STK11IP: variants seen among roughly 807,000 people sequenced by gnomAD.
STK11IP encodes serine/threonine-protein kinase 11-interacting protein.
A neutral mutation model predicts 131.7 loss-of-function variants in STK11IP; 103 were observed. That is an observed-to-expected ratio of 0.78 (90% CI 0.67 to 0.92). The LOEUF (loss-of-function observed/expected upper bound fraction) is 0.92, where lower values mean the gene tolerates loss of function less well. Ranked by LOEUF, STK11IP falls within the 40% of genes least tolerant of loss-of-function variation. The probability of loss-of-function intolerance (pLI) is 0.00; values close to 1 mark genes in which losing one functional copy is unlikely to be tolerated. For missense variants in STK11IP, 1,315 were observed against 1,385.7 expected (o/e 0.95, Z 0.81); for synonymous variants, 557 against 575.6 (o/e 0.97, Z 0.46).
Position 219,601,992 on chromosome 2 carries a change from G to A in STK11IP, c.347G>A (p.Arg116Gln), listed in dbSNP as rs1323414897. The change falls in exon 5 of 25, where the codon CGA becomes CAA. Residue 116 changes from arginine (R) to glutamine (Q), a missense_variant. Physicochemically the swap from Arg to Gln is conservative, Grantham distance 43. Transcript: ENST00000456909. The stretch of plus-strand genomic sequence containing the variant: ...CCTCCTCTTTCCTTGTCCCAGCTCC[G>A]AGGTGTTCCCCTCCACTGTCTGCAT... ...PFKSLRHLELRGVPLHCLHGL... is the reference protein window; with the variant it reads ...PFKSLRHLELQGVPLHCLHGL... 7 of 1,610,084 alleles carry A rather than the reference G, an allele frequency of 4.3e-6. No homozygotes were observed. Among genetic ancestry groups the A allele is most frequent in the Non-Finnish European group, 5.9e-6 (7 of 1,178,284 alleles).
In STK11IP at chr2:219,612,076, C is replaced by T. The variant is rs1417908109; in HGVS notation, c.2439+18C>T. The T allele has an allele frequency of 5.7e-6, 9 of 1,580,272 alleles. No individual in the cohort carries two copies. Among genetic ancestry groups the T allele is most frequent in the Non-Finnish European group, 7.7e-6 (9 of 1,162,216 alleles). On this transcript the variant is annotated intron_variant, in intron 19 of 24. Coordinates refer to ENST00000456909, the MANE Select transcript of STK11IP (RefSeq NM_052902.4). ...GCCTCAAGGTCTGTGCTCCCTGACA[C>T]TGCCCATGCCCCCAGCTGTCCAGGG... is the stretch of plus-strand genomic sequence containing the variant.
At chr2:219,614,379 C>A in intron 22 of STK11IP, 97 bp from the exon 23 acceptor site, 1 of 1,522,024 alleles carries the variant, frequency 6.6e-7, no homozygotes, top group Non-Finnish European at 9.0e-7. Flanking sequence ...CCTAGTGTCT[C>A]CTCCCAACCC....
At chr2:219,608,006 TG>T in intron 13 of STK11IP, 40 bp from the exon 14 acceptor site, 1 of 1,582,306 alleles carries the variant, frequency 6.3e-7, no homozygotes, top group Non-Finnish European at 8.6e-7. Flanking sequence ...GCCATCTGTG[TG>T]GGGCAGGCTT....
intron 11 of STK11IP, 67 bp downstream of exon 11, chr2:219,606,584 A>G (rs1698172046): frequency 6.2e-7 from 1 of 1,609,796 alleles, no homozygotes; most frequent in South Asian, 1.1e-5. Context: ...GGGAGAGAAC[A>G]GAGGGCTGGC....
intron 24 of STK11IP, chr2:219,615,587 C>T (rs895796539): frequency 4.1e-5 from 27 of 657,508 alleles, no homozygotes; most frequent in African/African-American, 3.2e-4. Context: ...AGCTGGGCCA[C>T]GAGGCTTTCA....
At chr2:219,610,852 G>A (rs1698373297) in intron 17 of STK11IP, among the ~76,000 whole-genome samples, 1 of 152,218 alleles carries the variant, frequency 6.6e-6, no homozygotes. Flanking sequence ...AATGGTAGCT[G>A]CTGCCGTTGT....
intron 2 of STK11IP, among the ~76,000 whole-genome samples, chr2:219,600,856 GA>G (rs1460773707): frequency 6.6e-6 from 1 of 152,194 alleles, no homozygotes; most frequent in Admixed American, 6.5e-5. Flanking sequence ...CGGCTTCCTG[GA>G]GGAGGCTGGT....
At chr2:219,608,009 G>A in intron 13 of STK11IP, 38 bp from the exon 14 acceptor site, 1 of 1,587,364 alleles carries the variant, frequency 6.3e-7, no homozygotes, top group Non-Finnish European at 8.6e-7. Flanking sequence ...ATCTGTGTGG[G>A]GCAGGCTTGC....
intron 17 of STK11IP, 69 bp downstream of exon 17, chr2:219,609,609 G>A: frequency 6.5e-7 from 1 of 1,539,058 alleles, no homozygotes; most frequent in Non-Finnish European, 8.8e-7. Flanking sequence ...GCTCTGTGTA[G>A]GGGAGTGTGA....
In STK11IP at chr2:219,606,263, AC is replaced by A; in HGVS notation, c.922del (p.Arg308GlyfsTer18). ...HRAATAQYLS[P>X]RARDAATGFL... is the part of the protein sequence containing the mutation. ...GAGCAGCCACTGCCCAGTACTTGTC[AC>A]CCCGGGCCAGGGATGCTGCTACTGG... On this transcript the variant is annotated frameshift_variant, in exon 10 of 25. Coordinates refer to ENST00000456909, the MANE Select transcript of STK11IP (RefSeq NM_052902.4). LOFTEE classifies it high-confidence loss of function. The A allele has an allele frequency of 6.4e-7, 1 of 1,569,788 alleles. No individual in the cohort carries two copies. The highest frequency in any genetic ancestry group is 8.6e-7 in the Non-Finnish European group (1 of 1,157,422).
At position 219,611,997 on chromosome 2, in the gene STK11IP, G is replaced by A. The variant is rs757266751; in HGVS notation, c.2378G>A (p.Arg793Gln). ...CTCCGCTCTGTGGACCACCGACTCCGGCTCTTCCTGGATGTTGAGGTGTTC... is the reference window on the plus strand; with the variant it reads ...CTCCGCTCTGTGGACCACCGACTCCAGCTCTTCCTGGATGTTGAGGTGTTC... The part of the protein sequence containing the change: ...CGLRSVDHRL[R>Q]LFLDVEVFSD... Residue 793 changes from arginine (R) to glutamine (Q), a missense_variant, in exon 19 of 25, where the codon CGG (arginine) becomes CAG (glutamine). Arg to Gln is a conservative substitution (Grantham distance 43, BLOSUM62 1). Coordinates refer to ENST00000456909, the MANE Select transcript of STK11IP (RefSeq NM_052902.4). 33 of 1,604,608 alleles carry A rather than the reference G, an allele frequency of 2.1e-5. No homozygotes were observed. The African/African-American group carries it at 3.2e-4, about 16-fold the overall frequency.
chr2:219,609,518 G>A lies in STK11IP; in HGVS notation c.2082G>A (p.Trp694Ter), dbSNP rs964313667. ...PRMGLDSEEGWRPLFQKTESP... is the reference protein window; with the variant it reads ...PRMGLDSEEG ...TGGGATTAGACAGTGAGGAAGGCTG[G>A]AGGCCTCTGTTCCAAAAGACAGGTA... Residue 694 changes from tryptophan (W) to a stop codon, truncating the protein, a stop_gained, in exon 17 of 25, where the codon TGG becomes TGA. Transcript: ENST00000456909. LOFTEE classifies it high-confidence loss of function. 2 of 1,577,214 alleles carry A rather than the reference G, an allele frequency of 1.3e-6. No homozygotes were observed. The highest frequency in any genetic ancestry group is 2.3e-5 in the South Asian group (2 of 86,320).
chr2:219,611,631 G>C lies in STK11IP; in HGVS notation c.2132G>C (p.Gly711Ala). 1 of 1,613,188 alleles carries C rather than the reference G, an allele frequency of 6.2e-7. No individual in the cohort carries two copies. The highest frequency in any genetic ancestry group is 8.5e-7 in the Non-Finnish European group (1 of 1,179,848). ...TESPAVCPNC[G>A]SDHVVLLAVS... Reference sequence around the variant, plus strand: ...TCTCCTGCTGTGTGTCCTAACTGTGGTAGTGACCACGTGGTTCTCCTCGCT... The same window carrying C: ...TCTCCTGCTGTGTGTCCTAACTGTGCTAGTGACCACGTGGTTCTCCTCGCT... The change falls in exon 18 of 25, where the codon GGT becomes GCT. Residue 711 changes from glycine (G) to alanine (A), a missense_variant. Transcript: ENST00000456909.
At chr2:219,599,358 G>A (rs1697903191) in intron 2 of STK11IP, among the ~76,000 whole-genome samples, 1 of 152,216 alleles carries the variant, frequency 6.6e-6, no homozygotes. Context: ...CAAAGTGCTA[G>A]GATTAAAGTC....
chr2:219,615,017 C>T, intron 23 of STK11IP, 77 bp from the exon 24 acceptor site: 1 of 1,514,562 alleles, frequency 6.6e-7, no homozygotes, highest in Non-Finnish European at 8.9e-7. Context: ...CTCTTCTCCC[C>T]AGCAGCACTG....
At chr2:219,612,242 T>C (rs1459162695) in intron 19 of STK11IP, among the ~76,000 whole-genome samples, 184 bp downstream of exon 19, 1 of 152,222 alleles carries the variant, frequency 6.6e-6, no homozygotes, top group Non-Finnish European at 1.5e-5. Context: ...AGTTGTTGCC[T>C]GTCTGCAATG....
chr2:219,608,470 C>A (rs1020186109), intron 14 of STK11IP, 40 bp downstream of exon 14: 1 of 1,532,138 alleles, frequency 6.5e-7, no homozygotes, highest in Non-Finnish European at 8.8e-7. Flanking sequence ...AGGCCAGGGG[C>A]CCTTGGGATG....
intron 15 of STK11IP, 105 bp downstream of exon 15, chr2:219,608,893 A>G: frequency 2.4e-6 from 3 of 1,274,522 alleles, no homozygotes; most frequent in East Asian, 2.5e-5. Context: ...CCTTGGCACT[A>G]GGAGCCGAGG....
In STK11IP at chr2:219,608,217, G is replaced by T. The variant is rs752821805; in HGVS notation, c.1390G>T (p.Asp464Tyr). ...ACCTCCAGCCAGCTCCCAGGGCCCC[G>T]ACACTGCACCCAGACCTTCACCCCC... ...SAPPASSQGP[D>Y]TAPRPSPPQE... The change falls in exon 14 of 25, where the codon GAC (aspartate) becomes TAC (tyrosine). Residue 464 changes from aspartate (D) to tyrosine (Y), a missense_variant. Transcript: ENST00000456909. 1.2e-6 allele frequency: 2 copies of T among 1,613,590 alleles called. No homozygotes were observed.
Sources: gnomAD v4.1 joint callset for allele counts (sites outside exome capture counted in the v4.1 genomes callset) on GRCh38, gnomAD v4.1.1 for gene constraint, MANE v1.5 for transcripts, NCBI Gene and HGNC (gene_info 2026-07-23, HGNC 2026-07-21) for gene names.